TMEM245: variants seen among roughly 807,000 people sequenced by gnomAD.
The protein encoded by TMEM245 is protein CG-2.
Under a neutral mutation model 101.2 loss-of-function variants are expected in TMEM245, and 69 were observed. That is an observed-to-expected ratio of 0.68 (90% CI 0.56 to 0.83). TMEM245 has a LOEUF of 0.83. TMEM245 is among the 40% of genes least tolerant of loss of function. TMEM245 has a pLI of 0.00. For missense variants in TMEM245, 1,075 were observed against 1,092.8 expected (o/e 0.98, Z 0.23); for synonymous variants, 537 against 449.8 (o/e 1.19, Z -2.45).
At chr9:109,056,051 C>A (rs766268335) in intron 12 of TMEM245, among the ~76,000 whole-genome samples, 9 of 152,168 alleles carry the variant, frequency 5.9e-5, no homozygotes, top group Non-Finnish European at 1.2e-4. Flanking sequence ...GGCCCAATAT[C>A]TGATTAACAG....
chr9:109,114,050 TG>T (rs1401368905), intron 1 of TMEM245, among the ~76,000 whole-genome samples: 1 of 152,162 alleles, frequency 6.6e-6, no homozygotes. Flanking sequence ...CACTCCAGCC[TG>T]GGCAACAAGA....
At position 109,020,155 on chromosome 9, in the gene TMEM245, A is replaced by G. The variant is rs1827575569; in HGVS notation, c.*305T>C. 1 of 310,504 alleles carries G rather than the reference A, an allele frequency of 3.2e-6. No homozygotes were observed. The highest frequency in any genetic ancestry group is 4.7e-5 in the Admixed American group (1 of 21,210). 19.2% of individuals were successfully genotyped at this position (310,504 alleles called of 1,614,324 possible). A position where few individuals can be genotyped will look rare whatever the true frequency, so the allele number is the denominator to read the frequency against. On this transcript the variant is annotated 3_prime_UTR_variant, in exon 18 of 18. Coordinates refer to ENST00000374586, the MANE Select transcript of TMEM245 (RefSeq NM_032012.4). ...ATAAATATATAATATAGTAACATAG[A>G]TAACCAAAGTGGAAAAATTTCAAGC... is the stretch of plus-strand genomic sequence containing the variant.
At chr9:109,101,681 A>G (rs1434373871) in intron 3 of TMEM245, among the ~76,000 whole-genome samples, 5 of 152,372 alleles carry the variant, frequency 3.3e-5, no homozygotes, top group Middle Eastern at 3.4e-3. Context: ...CAAGATTTCC[A>G]AATCTGTACT....
chr9:109,084,725 T>C (rs890373459), intron 7 of TMEM245, among the ~76,000 whole-genome samples: 1 of 152,210 alleles, frequency 6.6e-6, no homozygotes, highest in African/African-American at 2.4e-5. Flanking sequence ...CCACATTCTT[T>C]GGTCAAAATT....
intron 16 of TMEM245, among the ~76,000 whole-genome samples, chr9:109,035,349 A>G (rs1330152516): frequency 5.3e-5 from 8 of 152,032 alleles, no homozygotes; most frequent in Non-Finnish European, 2.9e-5. Context: ...TTCTCTCTCA[A>G]GTTTTAATGT....
chr9:109,039,985 G>A (rs2132339608), intron 14 of TMEM245, among the ~76,000 whole-genome samples: 1 of 152,288 alleles, frequency 6.6e-6, no homozygotes, highest in Non-Finnish European at 1.5e-5. Context: ...AGGTGCAACA[G>A]AATACTGCAA....
chr9:109,037,365 T>A (rs1328238222), intron 15 of TMEM245, among the ~76,000 whole-genome samples: 1 of 152,186 alleles, frequency 6.6e-6, no homozygotes, highest in Non-Finnish European at 1.5e-5. Context: ...GCTAGAACAT[T>A]CATTCATTGA....
At position 109,057,272 on chromosome 9, in the gene TMEM245, A is replaced by C; in HGVS notation, c.1773T>G (p.Arg591=). The C allele has an allele frequency of 6.2e-7, 1 of 1,614,114 alleles. No individual in the cohort carries two copies. The highest frequency in any genetic ancestry group is 8.5e-7 in the Non-Finnish European group (1 of 1,179,956). ...GAATGTCTCCCAGCCAGCTATTCTG[A>C]CGACTGACATGCAACTTCTGTCCTT... ...RHKGQKLHVS[R]QNSWLGDILD... Residue 591 remains arginine (R), a synonymous_variant, in exon 12 of 18, where the codon CGT becomes CGG. Transcript: ENST00000374586.
intron 12 of TMEM245, among the ~76,000 whole-genome samples, chr9:109,051,603 C>G (rs543944472): frequency 6.6e-6 from 1 of 152,210 alleles, no homozygotes; most frequent in Admixed American, 6.5e-5. Flanking sequence ...ATCTGTATAT[C>G]TAAACATCTA....
At chr9:109,089,166 C>T (rs541109533) in intron 5 of TMEM245, among the ~76,000 whole-genome samples, 1 of 151,168 alleles carries the variant, frequency 6.6e-6, no homozygotes, top group African/African-American at 2.4e-5. Flanking sequence ...GGGGCTGAGG[C>T]AGGAGGATCA....
chr9:109,076,873 T>C (rs541203583), intron 8 of TMEM245, among the ~76,000 whole-genome samples: 1 of 151,858 alleles, frequency 6.6e-6, no homozygotes, highest in East Asian at 2.0e-4. Flanking sequence ...TAAATTGTTT[T>C]TGTAAAGCCA....
chr9:109,112,687 T>C (rs1191425762), intron 1 of TMEM245, among the ~76,000 whole-genome samples: 1 of 152,226 alleles, frequency 6.6e-6, no homozygotes, highest in Admixed American at 6.5e-5. Flanking sequence ...AAAAACCTTC[T>C]ACTTTATATG....
intron 1 of TMEM245, among the ~76,000 whole-genome samples, chr9:109,116,178 T>TCATCTATA (rs1276596306): frequency 1.3e-5 from 2 of 152,314 alleles, no homozygotes; most frequent in Admixed American, 6.5e-5. Context: ...TCTGCCTCTC[T>TCATCTATA]CATCTATACT....
At chr9:109,043,821 C>T (rs1350075272) in intron 14 of TMEM245, among the ~76,000 whole-genome samples, 1 of 152,146 alleles carries the variant, frequency 6.6e-6, no homozygotes. Context: ...GAGCAGGATT[C>T]CTGTCCATTG....
chr9:109,080,956 G>A lies in TMEM245; in HGVS notation c.1345-13C>T, dbSNP rs756946894. ...ACCAGATGATCATCTGCACAAAAAC[G>A]AAAAAGAGAATTACTTATCTTTAAA... On this transcript the variant is annotated splice_polypyrimidine_tract_variant and intron_variant, in intron 7 of 17. Transcript: ENST00000374586. 27 of 1,482,954 alleles carry A rather than the reference G, an allele frequency of 1.8e-5. No homozygotes were observed. Among genetic ancestry groups the A allele is most frequent in the African/African-American group, 1.4e-4 (10 of 71,126 alleles). 91.9% of individuals were successfully genotyped at this position (1,482,954 alleles called of 1,614,324 possible). A position where few individuals can be genotyped will look rare whatever the true frequency, so the allele number is the denominator to read the frequency against.
intron 14 of TMEM245, among the ~76,000 whole-genome samples, chr9:109,050,038 T>G (rs1410703149): frequency 6.6e-6 from 1 of 152,210 alleles, no homozygotes. Context: ...GCAATCTTCC[T>G]GCCTCAAGCA....
chr9:109,066,969 T>C (rs370508963), intron 9 of TMEM245, among the ~76,000 whole-genome samples: 1 of 151,632 alleles, frequency 6.6e-6, no homozygotes, highest in African/African-American at 2.4e-5. Flanking sequence ...GGAAGGACAA[T>C]TGCTTGAACC....
At chr9:109,033,969 A>G (rs1193069532) in intron 16 of TMEM245, among the ~76,000 whole-genome samples, 1 of 152,216 alleles carries the variant, frequency 6.6e-6, no homozygotes, top group Non-Finnish European at 1.5e-5. Flanking sequence ...ACTTTTGGCA[A>G]CCTCCTAAAA....
intron 7 of TMEM245, among the ~76,000 whole-genome samples, chr9:109,083,916 A>AAAAAAAAAAAAAAAAAAAAAAAAAC (rs1554725101): frequency 2.3e-4 from 30 of 132,578 alleles, no homozygotes; most frequent in East Asian, 7.6e-4. Flanking sequence ...AAAAAAAAAA[A>AAAAAAAAAAAAAAAAAAAAAAAAAC]AAAAAAAAAA....
Sources: allele counts gnomAD v4.1 joint callset (sites outside exome capture counted in the v4.1 genomes callset), GRCh38; gene constraint gnomAD v4.1.1; transcripts MANE v1.5; gene names NCBI Gene and HGNC (gene_info 2026-07-23, HGNC 2026-07-21).